PCDH15: variants seen among roughly 807,000 people sequenced by gnomAD.
PCDH15 encodes protocadherin related 15.
PCDH15 carries 129 observed loss-of-function variants against 178.5 expected under a neutral mutation model. The observed-to-expected ratio is 0.72, with a 90% CI of 0.63 to 0.84. The LOEUF (loss-of-function observed/expected upper bound fraction) is 0.84, where lower values mean the gene tolerates loss of function less well. Among genes scored for constraint, PCDH15 ranks in the 40% least tolerant of loss-of-function variants. The probability of loss-of-function intolerance (pLI) is 0.00; values close to 1 mark genes in which losing one functional copy is unlikely to be tolerated. For missense variants in PCDH15, 2,230 were observed against 2,099.9 expected, an observed-to-expected ratio of 1.06 and a Z score of -1.21; for synonymous variants, 800 against 732.0, an observed-to-expected ratio of 1.09 and a Z score of -1.50.
intron 2 of PCDH15, among the ~76,000 whole-genome samples, chr10:55,528,395 G>A (rs1841358797): frequency 1.3e-5 from 2 of 151,848 alleles, no homozygotes; most frequent in Non-Finnish European, 2.9e-5. Context: ...CCCCAAAACA[G>A]GCCCCAGTGT....
chr10:55,280,444 ATTTTTT>A (rs1170034467), intron 1 of PCDH15, among the ~76,000 whole-genome samples: 4 of 92,058 alleles, frequency 4.3e-5, no homozygotes, highest in Non-Finnish European at 8.7e-5. Context: ...GCACCCAGCT[ATTTTTT>A]TTTTTTTTTT....
chr10:55,265,037 C>T (rs1471224832), intron 1 of PCDH15, among the ~76,000 whole-genome samples: 1 of 152,060 alleles, frequency 6.6e-6, no homozygotes, highest in Admixed American at 6.6e-5. Flanking sequence ...GAGAAGCCAG[C>T]TCCCACCAGC....
intron 2 of PCDH15, among the ~76,000 whole-genome samples, chr10:55,125,326 T>G (rs1223684801): frequency 6.6e-6 from 1 of 151,992 alleles, no homozygotes; most frequent in East Asian, 1.9e-4. Flanking sequence ...CAGATAGGAA[T>G]GTGTAAAGGG....
intron 13 of PCDH15, among the ~76,000 whole-genome samples, chr10:54,158,360 A>T (rs1234367357): frequency 6.6e-6 from 1 of 152,184 alleles, no homozygotes; most frequent in Non-Finnish European, 1.5e-5. Context: ...TTTTAAAGCT[A>T]TCAGATTGTG....
intron 2 of PCDH15, among the ~76,000 whole-genome samples, chr10:55,108,815 G>A (rs953360547): frequency 6.6e-6 from 1 of 151,938 alleles, no homozygotes; most frequent in South Asian, 2.1e-4. Flanking sequence ...ACTTAGTCAC[G>A]CAGTCACACA....
At chr10:54,209,643 GA>G (rs1432255252) in intron 10 of PCDH15, among the ~76,000 whole-genome samples, 1 of 151,992 alleles carries the variant, frequency 6.6e-6, no homozygotes, top group Non-Finnish European at 1.5e-5. Flanking sequence ...ATAATACTAG[GA>G]GTAGTTATCC....
At chr10:54,258,582 T>G (rs1488272304) in intron 8 of PCDH15, among the ~76,000 whole-genome samples, 2 of 152,174 alleles carry the variant, frequency 1.3e-5, no homozygotes, top group African/African-American at 4.8e-5. Context: ...ACCTGAGCTC[T>G]CCATATAAAA....
intron 2 of PCDH15, among the ~76,000 whole-genome samples, chr10:55,517,241 T>A (rs1387371943): frequency 6.6e-6 from 1 of 152,076 alleles, no homozygotes; most frequent in African/African-American, 2.4e-5. Flanking sequence ...TTGGTCAACA[T>A]TGATGTTTGT....
At chr10:55,263,083 T>C (rs1204073815) in intron 1 of PCDH15, among the ~76,000 whole-genome samples, 1 of 151,992 alleles carries the variant, frequency 6.6e-6, no homozygotes, top group Non-Finnish European at 1.5e-5. Flanking sequence ...TTCGACTGGG[T>C]CTCATCCGGG....
chr10:54,869,232 C>T (rs4935563), intron 3 of PCDH15: 52,408 of 151,988 alleles, frequency 0.34, 10,569 homozygotes, highest in East Asian at 0.8. Flanking sequence ...TGGAGTTATG[C>T]AGCTACAAGC....
At chr10:53,837,470 T>C (rs1485043365) in intron 29 of PCDH15, among the ~76,000 whole-genome samples, 2 of 152,186 alleles carry the variant, frequency 1.3e-5, no homozygotes, top group Non-Finnish European at 2.9e-5. Flanking sequence ...TTATGAGCTT[T>C]TTTATTTTTG....
At chr10:54,946,231 G>T (rs1394584094) in intron 2 of PCDH15, among the ~76,000 whole-genome samples, 1 of 151,746 alleles carries the variant, frequency 6.6e-6, no homozygotes, top group Non-Finnish European at 1.5e-5. Flanking sequence ...ACAGCCCAGG[G>T]TATAGGCTCC....
chr10:55,369,618 G>C (rs1845451554), intron 2 of PCDH15, among the ~76,000 whole-genome samples: 1 of 151,948 alleles, frequency 6.6e-6, no homozygotes, highest in Non-Finnish European at 1.5e-5. Flanking sequence ...TATAATTCCT[G>C]TGTTTTTTAA....
chr10:55,094,635 T>C (rs1591898784), intron 2 of PCDH15, among the ~76,000 whole-genome samples: 2 of 152,134 alleles, frequency 1.3e-5, no homozygotes, highest in South Asian at 4.1e-4. Context: ...AGATGAAGGC[T>C]TATACATATG....
chr10:55,256,732 C>T (rs866136461), intron 1 of PCDH15, among the ~76,000 whole-genome samples: 4 of 152,156 alleles, frequency 2.6e-5, no homozygotes, highest in African/African-American at 7.2e-5. Context: ...CTGGGAAGCT[C>T]GAACTGGGTG....
intron 1 of PCDH15, among the ~76,000 whole-genome samples, chr10:54,737,949 T>G (rs1352182111): frequency 6.6e-6 from 1 of 152,030 alleles, no homozygotes; most frequent in Non-Finnish European, 1.5e-5. Context: ...TTTACTCGGG[T>G]GGCCAGGGTA....
At chr10:54,183,814 T>G (rs2048236556) in intron 12 of PCDH15, among the ~76,000 whole-genome samples, 1 of 152,194 alleles carries the variant, frequency 6.6e-6, no homozygotes, top group Non-Finnish European at 1.5e-5. Flanking sequence ...TGTTTTAAGG[T>G]ATTCAACTCC....
chr10:54,572,498 G>A (rs1019237426), intron 2 of PCDH15, among the ~76,000 whole-genome samples: 2 of 152,030 alleles, frequency 1.3e-5, no homozygotes, highest in Non-Finnish European at 2.9e-5. Context: ...AAAGGAAAAC[G>A]AAAAGAGAGG....
intron 3 of PCDH15, among the ~76,000 whole-genome samples, chr10:54,814,842 C>T (rs1952922749): frequency 6.6e-6 from 1 of 152,110 alleles, no homozygotes; most frequent in Non-Finnish European, 1.5e-5. Flanking sequence ...TATGTTTGTG[C>T]TTCTGAGTCT....
Sources: allele counts gnomAD v4.1 joint callset (sites outside exome capture counted in the v4.1 genomes callset), GRCh38; gene constraint gnomAD v4.1.1; transcripts MANE v1.5; gene names NCBI Gene and HGNC (gene_info 2026-07-23, HGNC 2026-07-21).